Variants in PTPRT observed in about 807,000 individuals in gnomAD.
PTPRT encodes receptor-type tyrosine-protein phosphatase T.
PTPRT carries 56 observed loss-of-function variants against 176.8 expected under a neutral mutation model. The ratio of observed to expected loss-of-function variants is 0.32; its 90% CI spans 0.26 to 0.40. The LOEUF (loss-of-function observed/expected upper bound fraction) is 0.40, where lower values mean the gene tolerates loss of function less well. Among genes scored for constraint, PTPRT ranks in the 10% least tolerant of loss-of-function variants. The pLI is 1.00. For missense variants in PTPRT, 1,540 were observed against 1,908.2 expected, an observed-to-expected ratio of 0.81 and a Z score of 3.60; for synonymous variants, 783 against 739.0, an observed-to-expected ratio of 1.06 and a Z score of -0.96.
At chr20:42,931,493 C>T (rs966977703) in intron 1 of PTPRT, among the ~76,000 whole-genome samples, 2 of 152,172 alleles carry the variant, frequency 1.3e-5, no homozygotes, top group Non-Finnish European at 2.9e-5. Flanking sequence ...GGAGCCACTG[C>T]CTCCCAAATG....
chr20:42,314,750 G>A (rs963672220), intron 12 of PTPRT, among the ~76,000 whole-genome samples: 1 of 152,114 alleles, frequency 6.6e-6, no homozygotes, highest in African/African-American at 2.4e-5. Flanking sequence ...CATTGGTTTT[G>A]TAGGATGCTA....
chr20:42,490,015 A>G (rs2071534079), intron 7 of PTPRT, among the ~76,000 whole-genome samples: 1 of 152,190 alleles, frequency 6.6e-6, no homozygotes, highest in African/African-American at 2.4e-5. Flanking sequence ...AGTCCAGTTG[A>G]TCTGTAGAGC....
chr20:42,156,315 T>G (rs1989350587), intron 17 of PTPRT, among the ~76,000 whole-genome samples: 1 of 152,170 alleles, frequency 6.6e-6, no homozygotes, highest in African/African-American at 2.4e-5. Context: ...AGGGCTCTAT[T>G]TAGTTCCCAG....
chr20:42,636,229 G>A (rs2074596689), intron 7 of PTPRT, among the ~76,000 whole-genome samples: 1 of 152,132 alleles, frequency 6.6e-6, no homozygotes, highest in Non-Finnish European at 1.5e-5. Flanking sequence ...AAAGTCTGAA[G>A]TGGGTAGGGA....
At chr20:42,807,613 C>G (rs1394526414) in intron 2 of PTPRT, among the ~76,000 whole-genome samples, 3 of 152,082 alleles carry the variant, frequency 2.0e-5, no homozygotes, top group South Asian at 2.1e-4. Flanking sequence ...TTCCCTTGTC[C>G]TGACCAAAAT....
rs1045293795 is a variant in PTPRT, at chr20:42,985,377, C to A, written c.89-99445G>T. On this transcript the variant is annotated intron_variant, in intron 1 of 30. Transcript: ENST00000373187. ...GGGTCTGGTGGCTCGTGCCTGTAAT[C>A]CCAGCTACTCGGGAGGCTGAGACAG... Among the ~76,000 whole-genome samples, 4 of 152,078 alleles carry A rather than the reference C, an allele frequency of 2.6e-5. No homozygotes were observed. In the East Asian group the frequency reaches 7.7e-4, roughly 29 times the overall value.
chr20:42,652,864 C>G (rs2075057077), intron 7 of PTPRT, among the ~76,000 whole-genome samples: 1 of 152,124 alleles, frequency 6.6e-6, no homozygotes, highest in South Asian at 2.1e-4. Context: ...ACCCTAAGGA[C>G]CTCATAAAAG....
At chr20:42,185,497 G>A (rs1026386302) in intron 16 of PTPRT, among the ~76,000 whole-genome samples, 1 of 152,142 alleles carries the variant, frequency 6.6e-6, no homozygotes, top group Non-Finnish European at 1.5e-5. Context: ...CCATAAAAAG[G>A]GCTTTGTAAA....
chr20:42,920,697 T>G (rs1459623024), intron 1 of PTPRT, among the ~76,000 whole-genome samples: 1 of 152,170 alleles, frequency 6.6e-6, no homozygotes, highest in African/African-American at 2.4e-5. Context: ...CAGAATCACA[T>G]TCTTCCTTTC....
intron 1 of PTPRT, among the ~76,000 whole-genome samples, chr20:43,150,303 G>A (rs947202): frequency 0.86 from 130,943 of 152,156 alleles, 57,497 homozygotes; most frequent in South Asian, 0.96. Context: ...CTCTCAAGTC[G>A]ATCAACAGAC....
intron 1 of PTPRT, among the ~76,000 whole-genome samples, chr20:42,935,160 T>G (rs1252585948): frequency 1.9e-4 from 26 of 134,970 alleles, no homozygotes; most frequent in Non-Finnish European, 3.8e-4. Context: ...TTTTTTTTTT[T>G]TTTTTTTTTT....
intron 15 of PTPRT, among the ~76,000 whole-genome samples, chr20:42,222,118 T>C (rs1310224882): frequency 6.6e-6 from 1 of 152,220 alleles, no homozygotes; most frequent in Non-Finnish European, 1.5e-5. Flanking sequence ...GCAGGGGCTG[T>C]AATACTTACC....
chr20:42,267,233 T>A (rs1355034995), intron 13 of PTPRT, among the ~76,000 whole-genome samples: 3 of 152,228 alleles, frequency 2.0e-5, no homozygotes, highest in Admixed American at 1.3e-4. Context: ...TTGTGTTAAA[T>A]GATTTTGCCC....
At chr20:42,108,562 T>A (rs1292998529) in intron 23 of PTPRT, among the ~76,000 whole-genome samples, 7 of 152,262 alleles carry the variant, frequency 4.6e-5, no homozygotes, top group African/African-American at 7.2e-5. Context: ...CATAGCCATT[T>A]TTTATTGAGA....
intron 2 of PTPRT, among the ~76,000 whole-genome samples, chr20:42,796,977 C>A (rs1039278807): frequency 6.6e-6 from 1 of 152,204 alleles, no homozygotes; most frequent in Non-Finnish European, 1.5e-5. Flanking sequence ...AGGATTAATA[C>A]AACTACTATT....
chr20:43,086,116 C>T (rs745333601), intron 1 of PTPRT, among the ~76,000 whole-genome samples: 2 of 152,120 alleles, frequency 1.3e-5, no homozygotes, highest in Non-Finnish European at 2.9e-5. Context: ...TTCCCTGCAC[C>T]CATTTTCCCT....
chr20:42,633,984 ATTATATTATATATATTAT>A lies in PTPRT; in HGVS notation c.1153+43864_1153+43881del, dbSNP rs2074499741. Among the ~76,000 whole-genome samples, 7 of 33,146 alleles carry A rather than the reference ATTATATTATATATATTAT, an allele frequency of 2.1e-4. 1 individual carries two copies. The highest frequency in any genetic ancestry group is 3.2e-4 in the Non-Finnish European group (6 of 18,676). The allele number at this position is 33,146 out of a possible 152,430, so 21.7% of individuals were successfully genotyped here. A position where few individuals can be genotyped will look rare whatever the true frequency, so the allele number is the denominator to read the frequency against. On this transcript the variant is annotated intron_variant, in intron 7 of 30. Coordinates refer to ENST00000373187, the MANE Select transcript of PTPRT (RefSeq NM_007050.6). ...TATAATATATTATAATATATTATAT[ATTATATTATATATATTAT>A]ATATATATAATATATATATAATATA...
At chr20:42,266,685 G>A (rs1330617848) in intron 13 of PTPRT, among the ~76,000 whole-genome samples, 2 of 152,098 alleles carry the variant, frequency 1.3e-5, no homozygotes, top group African/African-American at 4.8e-5. Context: ...TCCAGATTTT[G>A]CCAAACGTCC....
chr20:42,115,904 A>C (rs929666168), intron 21 of PTPRT: 53 of 613,660 alleles, frequency 8.6e-5, no homozygotes, highest in Non-Finnish European at 1.4e-4. Flanking sequence ...TAGCTGCTGG[A>C]CTCCAAGGGA....
Sources: gnomAD v4.1 joint callset for allele counts (sites outside exome capture counted in the v4.1 genomes callset) on GRCh38, gnomAD v4.1.1 for gene constraint, MANE v1.5 for transcripts, NCBI Gene and HGNC (gene_info 2026-07-23, HGNC 2026-07-21) for gene names.